Variants in DLGAP2 observed in about 807,000 individuals in gnomAD.
The protein encoded by DLGAP2 is DLG associated protein 2, also known as disks large-associated protein 2.
Under a neutral mutation model 100.3 loss-of-function variants are expected in DLGAP2, and 26 were observed. That is an observed-to-expected ratio of 0.26 (90% confidence interval 0.19 to 0.36). The LOEUF (loss-of-function observed/expected upper bound fraction) is 0.36, where lower values mean the gene tolerates loss of function less well. Among genes scored for constraint, DLGAP2 ranks in the 10% least tolerant of loss-of-function variants. The pLI is 1.00. For synonymous variants in DLGAP2, 886 were observed against 630.1 expected (o/e 1.41, Z -6.08); for missense variants, 1,858 against 1,453.2 (o/e 1.28, Z -4.53).
intron 1 of DLGAP2, among the ~76,000 whole-genome samples, chr8:755,240 C>G (rs1207916838): frequency 6.6e-6 from 1 of 152,034 alleles, no homozygotes; most frequent in Non-Finnish European, 1.5e-5. Flanking sequence ...GGGTGAATTG[C>G]TTGAGCTCAG....
intron 8 of DLGAP2, among the ~76,000 whole-genome samples, chr8:1,656,628 G>A (rs921319826): frequency 1.3e-5 from 2 of 152,250 alleles, no homozygotes; most frequent in South Asian, 4.2e-4. Context: ...CCTCTTCCCT[G>A]CCCCATTTAT....
intron 3 of DLGAP2, among the ~76,000 whole-genome samples, chr8:1,446,232 A>T (rs1369204243): frequency 2.6e-5 from 4 of 152,170 alleles, no homozygotes; most frequent in Admixed American, 2.0e-4. Flanking sequence ...TAGGTCTAAC[A>T]TGTAAGTCTT....
At chr8:1,650,185 A>G (rs766200067) in intron 8 of DLGAP2, among the ~76,000 whole-genome samples, 45 of 152,252 alleles carry the variant, frequency 3.0e-4, no homozygotes, top group Non-Finnish European at 5.3e-4. Context: ...TACACAATCA[A>G]TTGAACAAAC....
intron 3 of DLGAP2, among the ~76,000 whole-genome samples, chr8:1,365,363 G>A (rs1340944534): frequency 3.9e-5 from 6 of 152,176 alleles, no homozygotes; most frequent in East Asian, 1.9e-4. Context: ...AGGCACAGGG[G>A]AGCAGGGAGA....
chr8:1,210,888 G>A (rs1017190122), intron 2 of DLGAP2, among the ~76,000 whole-genome samples: 1 of 152,124 alleles, frequency 6.6e-6, no homozygotes, highest in South Asian at 2.1e-4. Context: ...CTGCCAGTCT[G>A]GGCAGCAATG....
At chr8:755,500 A>G (rs1000286517) in intron 1 of DLGAP2, among the ~76,000 whole-genome samples, 1 of 152,186 alleles carries the variant, frequency 6.6e-6, no homozygotes, top group African/African-American at 2.4e-5. Flanking sequence ...ATTGCTAAAC[A>G]TGTTTTTAAT....
intron 2 of DLGAP2, among the ~76,000 whole-genome samples, chr8:1,221,806 C>G (rs1345217227): frequency 6.6e-6 from 1 of 152,154 alleles, no homozygotes; most frequent in Non-Finnish European, 1.5e-5. Flanking sequence ...AAGTGCTTTT[C>G]TTCCTTTATT....
chr8:1,592,057 A>G (rs1796308460), intron 6 of DLGAP2, among the ~76,000 whole-genome samples: 1 of 152,098 alleles, frequency 6.6e-6, no homozygotes, highest in African/African-American at 2.4e-5. Context: ...ATCCAGTCTC[A>G]TTTATCCCTT....
At chr8:1,626,333 ACGGCTGTTCCCATCTCTACCCTG>A in intron 6 of DLGAP2, among the ~76,000 whole-genome samples, 1 of 121,496 alleles carries the variant, frequency 8.2e-6, no homozygotes, top group African/African-American at 3.4e-5. Flanking sequence ...TGTGGGTTGG[ACGGCTGTTCCCATCTCTACCCTG>A]CAGCAGGTGC....
At chr8:1,383,125 G>A (rs1205872529) in intron 3 of DLGAP2, among the ~76,000 whole-genome samples, 4 of 152,126 alleles carry the variant, frequency 2.6e-5, no homozygotes, top group African/African-American at 7.2e-5. Context: ...GACATTGCAG[G>A]GATCATCCCC....
At chr8:1,177,159 C>T (rs1260064995) in intron 2 of DLGAP2, among the ~76,000 whole-genome samples, 3 of 152,178 alleles carry the variant, frequency 2.0e-5, no homozygotes, top group East Asian at 1.9e-4. Context: ...ACGCCCAGCA[C>T]CCCATGAATG....
chr8:865,719 C>T (rs1371527448), intron 1 of DLGAP2, among the ~76,000 whole-genome samples: 2 of 152,238 alleles, frequency 1.3e-5, no homozygotes, highest in Admixed American at 1.3e-4. Flanking sequence ...TTTATAAGGC[C>T]GCTGTGAGCT....
At chr8:1,341,067 C>T (rs1227045276) in intron 3 of DLGAP2, among the ~76,000 whole-genome samples, 2 of 152,026 alleles carry the variant, frequency 1.3e-5, no homozygotes, top group African/African-American at 4.8e-5. Flanking sequence ...GAACAACACA[C>T]ACTGGGACCT....
chr8:1,142,381 C>T (rs1310270053), intron 2 of DLGAP2, among the ~76,000 whole-genome samples: 1 of 152,176 alleles, frequency 6.6e-6, no homozygotes, highest in Non-Finnish European at 1.5e-5. Context: ...ATAGGCTTAG[C>T]ATATCCCTTG....
intron 3 of DLGAP2, among the ~76,000 whole-genome samples, chr8:1,500,639 G>T (rs764512960): frequency 1.3e-5 from 2 of 152,266 alleles, no homozygotes; most frequent in African/African-American, 2.4e-5. Context: ...TGACAAGCTT[G>T]TCTGTCTCCC....
intron 1 of DLGAP2, among the ~76,000 whole-genome samples, chr8:872,254 A>G (rs1258822826): frequency 1.3e-5 from 2 of 152,030 alleles, no homozygotes; most frequent in East Asian, 3.8e-4. Context: ...CTATTAGGAC[A>G]GATGAAAAGA....
chr8:1,435,136 T>A (rs1436606882), intron 3 of DLGAP2, among the ~76,000 whole-genome samples: 1 of 152,238 alleles, frequency 6.6e-6, no homozygotes, highest in Non-Finnish European at 1.5e-5. Context: ...CCTCTTGTAT[T>A]TTGTGAACAA....
chr8:1,640,207 G>C (rs1797863979), intron 8 of DLGAP2, among the ~76,000 whole-genome samples: 1 of 152,174 alleles, frequency 6.6e-6, no homozygotes, highest in Non-Finnish European at 1.5e-5. Flanking sequence ...AATCCAGGTT[G>C]ATCCTGATGA....
At chr8:1,342,285 C>G (rs546545668) in intron 3 of DLGAP2, among the ~76,000 whole-genome samples, 13 of 152,296 alleles carry the variant, frequency 8.5e-5, no homozygotes, top group Admixed American at 2.0e-4. Context: ...CAGGCAGAGA[C>G]TGGATTGCAA....
Sources: allele counts gnomAD v4.1 joint callset (sites outside exome capture counted in the v4.1 genomes callset), GRCh38; gene constraint gnomAD v4.1.1; transcripts MANE v1.5; gene names NCBI Gene and HGNC (gene_info 2026-07-23, HGNC 2026-07-21).